Variants in BCAS4 observed in about 807,000 individuals in gnomAD.
The protein encoded by BCAS4 is breast carcinoma amplified sequence 4.
Under a neutral mutation model 15.7 loss-of-function variants are expected in BCAS4, and 9 were observed. The observed-to-expected ratio is 0.57, with a 90% CI of 0.34 to 1.00. BCAS4 has a LOEUF of 1.00. Among genes scored for constraint, BCAS4 ranks in the 50% least tolerant of loss-of-function variants. BCAS4 has a pLI of 0.02. For synonymous variants in BCAS4, 101 were observed against 99.5 expected, an observed-to-expected ratio of 1.02 and a Z score of -0.09; for missense variants, 225 against 239.1, an observed-to-expected ratio of 0.94 and a Z score of 0.39.
In BCAS4 at chr20:50,872,232, CCAGCCTGGGCAA is replaced by C. The variant is rs1294913817; in HGVS notation, c.400-4250_400-4239del. On this transcript the variant is annotated intron_variant, in intron 4 of 4. Coordinates refer to ENST00000371608, the MANE Select transcript of BCAS4 (RefSeq NM_198799.4). ...TGAGCCAAGATTGCACCATTGCATTCCAGCCTGGGCAACAGAGCGAGACTCTGTCTCAAAAAA... is the reference window on the plus strand; with the variant it reads ...TGAGCCAAGATTGCACCATTGCATTCCAGAGCGAGACTCTGTCTCAAAAAA... Among the ~76,000 whole-genome samples the C allele has an allele frequency of 1.3e-4, 17 of 129,890 alleles. No homozygotes were observed. The East Asian group carries it at 3.9e-3, about 30-fold the overall frequency. 85.2% of individuals were successfully genotyped at this position (129,890 alleles called of 152,430 possible).
At position 50,854,985 on chromosome 20, in the gene BCAS4, C is replaced by T. The variant is rs375383448; in HGVS notation, c.399+13085C>T. Among the ~76,000 whole-genome samples, 648 of 152,322 alleles carry T rather than the reference C, an allele frequency of 4.3e-3. 6 individuals carry two copies. The highest frequency in any genetic ancestry group is 6.8e-3 in the Middle Eastern group (2 of 294). On this transcript the variant is annotated intron_variant, in intron 4 of 4. Coordinates refer to ENST00000371608, the MANE Select transcript of BCAS4 (RefSeq NM_198799.4). ...CTCCACACTGCTCATGCCAGGAGCA[C>T]GCCGGTGCTCAGGGGTGGCCGGGTT...
intron 4 of BCAS4, among the ~76,000 whole-genome samples, chr20:50,860,721 C>G (rs1568682511): frequency 6.6e-6 from 1 of 152,042 alleles, no homozygotes; most frequent in Non-Finnish European, 1.5e-5. Context: ...ACTAAAAATA[C>G]AAAAATTAGC....
chr20:50,811,385 A>G (rs970163813), intron 1 of BCAS4, among the ~76,000 whole-genome samples: 14 of 152,178 alleles, frequency 9.2e-5, no homozygotes, highest in Non-Finnish European at 1.6e-4. Flanking sequence ...AAATTGGTAT[A>G]TAATTCATGT....
At chr20:50,835,245 ATT>A (rs1278646307) in intron 3 of BCAS4, among the ~76,000 whole-genome samples, 8,585 of 134,452 alleles carry the variant, frequency 0.064, 291 homozygotes, top group African/African-American at 0.11. Context: ...AACTACTATA[ATT>A]TTTTTTTTTT....
rs563918650 is a variant in BCAS4, at chr20:50,799,843, C to T, written c.90+4670C>T. Among the ~76,000 whole-genome samples the T allele has an allele frequency of 8.5e-5, 13 of 152,190 alleles. No individual in the cohort carries two copies. The East Asian group carries it at 2.3e-3, about 27-fold the overall frequency. On this transcript the variant is annotated intron_variant, in intron 1 of 4. Coordinates refer to ENST00000371608, the MANE Select transcript of BCAS4 (RefSeq NM_198799.4). ...GGCTGAGGTGGGCGGATCCTTTGTA[C>T]CCAGGAGTTCGAGACCAGCCTGGGC...
chr20:50,802,816 G>A (rs185469986), intron 1 of BCAS4, among the ~76,000 whole-genome samples: 1 of 152,190 alleles, frequency 6.6e-6, no homozygotes, highest in Admixed American at 6.5e-5. Flanking sequence ...AGAGTTTGTG[G>A]TGAGCCGAGA....
intron 4 of BCAS4, among the ~76,000 whole-genome samples, chr20:50,845,588 G>T (rs1311109447): frequency 6.6e-6 from 1 of 152,142 alleles, no homozygotes; most frequent in African/African-American, 2.4e-5. Flanking sequence ...TTCTCTCCTG[G>T]TCTCTCCCCC....
intron 2 of BCAS4, among the ~76,000 whole-genome samples, chr20:50,818,603 G>A (rs968779816): frequency 2.6e-5 from 4 of 152,218 alleles, no homozygotes; most frequent in Non-Finnish European, 5.9e-5. Flanking sequence ...GCCGTTCAGC[G>A]GGGACGCTAG....
At chr20:50,861,256 T>A (rs1280406917) in intron 4 of BCAS4, among the ~76,000 whole-genome samples, 1 of 152,256 alleles carries the variant, frequency 6.6e-6, no homozygotes, top group African/African-American at 2.4e-5. Flanking sequence ...GGCAGACGAG[T>A]TCCCTGCGTG....
chr20:50,795,992 TGGGATGGGGATA>T (rs2087851775), intron 1 of BCAS4, among the ~76,000 whole-genome samples: 1 of 151,870 alleles, frequency 6.6e-6, no homozygotes, highest in South Asian at 2.1e-4. Context: ...GAGGATTGCT[TGGGATGGGGATA>T]GGGGACGGGG....
intron 4 of BCAS4, among the ~76,000 whole-genome samples, chr20:50,873,298 G>A (rs150205804): frequency 6.0e-4 from 92 of 152,334 alleles, no homozygotes; most frequent in African/African-American, 2.2e-3. Context: ...AGGAACAGGG[G>A]GTTGGGATGA....
chr20:50,805,597 C>T (rs2087979474), intron 1 of BCAS4, among the ~76,000 whole-genome samples: 1 of 152,148 alleles, frequency 6.6e-6, no homozygotes, highest in Non-Finnish European at 1.5e-5. Context: ...CCTGTTGTCT[C>T]CCTGACCTGG....
chr20:50,822,677 C>T (rs1397152336), intron 2 of BCAS4, among the ~76,000 whole-genome samples: 1 of 151,326 alleles, frequency 6.6e-6, no homozygotes, highest in African/African-American at 2.4e-5. Flanking sequence ...ACTCTGTTGC[C>T]CAGGCTGTAG....
chr20:50,859,484 G>C (rs1311131696), intron 4 of BCAS4, among the ~76,000 whole-genome samples: 1 of 151,944 alleles, frequency 6.6e-6, no homozygotes, highest in African/African-American at 2.4e-5. Flanking sequence ...AGGAGACAGG[G>C]GCCAGGGAGA....
chr20:50,836,034 C>G (rs1347784364), intron 3 of BCAS4, among the ~76,000 whole-genome samples: 9 of 152,022 alleles, frequency 5.9e-5, no homozygotes, highest in African/African-American at 2.2e-4. Context: ...TCTCCTGCCT[C>G]AGCCTCCTGA....
chr20:50,822,173 A>G lies in BCAS4; in HGVS notation c.162+3891A>G, dbSNP rs546033323. ...CTGGTTGGTGTAACTTGCCCCGTGC[A>G]CGCTCTCCACGTGGCTGGCGTGGGC... On this transcript the variant is annotated intron_variant, in intron 2 of 4. Coordinates refer to ENST00000371608, the MANE Select transcript of BCAS4 (RefSeq NM_198799.4). Among the ~76,000 whole-genome samples, 20 of 152,236 alleles carry G rather than the reference A, an allele frequency of 1.3e-4. No homozygotes were observed. In the East Asian group the frequency reaches 3.7e-3, roughly 28 times the overall value.
intron 4 of BCAS4, among the ~76,000 whole-genome samples, chr20:50,846,415 C>T (rs1433870487): frequency 1.3e-5 from 2 of 152,070 alleles, no homozygotes; most frequent in African/African-American, 2.4e-5. Flanking sequence ...GGGAGGATCA[C>T]TTGAGCTGGG....
At chr20:50,864,525 A>C (rs1600900677) in intron 4 of BCAS4, among the ~76,000 whole-genome samples, 1 of 142,430 alleles carries the variant, frequency 7.0e-6, no homozygotes, top group Non-Finnish European at 1.5e-5. Flanking sequence ...TCTAACCTCC[A>C]CCTCCCAGGT....
intron 3 of BCAS4, among the ~76,000 whole-genome samples, chr20:50,831,422 A>G (rs1386818751): frequency 1.3e-5 from 2 of 152,214 alleles, no homozygotes; most frequent in East Asian, 3.9e-4. Context: ...CAAAAAAGAA[A>G]AAAAAATGGG....
Sources: gnomAD v4.1 joint callset for allele counts (sites outside exome capture counted in the v4.1 genomes callset) on GRCh38, gnomAD v4.1.1 for gene constraint, MANE v1.5 for transcripts, NCBI Gene and HGNC (gene_info 2026-07-23, HGNC 2026-07-21) for gene names.